The following HEATR5B variants were observed in gnomAD, a reference collection of about 807,000 sequenced individuals.
HEATR5B encodes the protein HEAT repeat-containing protein 5B.
HEATR5B carries 156 observed loss-of-function variants against 224.1 expected under a neutral mutation model. The ratio of observed to expected loss-of-function variants is 0.70; its 90% CI spans 0.61 to 0.80. The LOEUF (loss-of-function observed/expected upper bound fraction) is 0.80. Ranked by LOEUF, HEATR5B falls within the 30% of genes least tolerant of loss-of-function variation. The pLI is 0.00. For missense variants in HEATR5B, 2,323 were observed against 2,535.5 expected, an observed-to-expected ratio of 0.92 and a Z score of 1.80; for synonymous variants, 1,027 against 893.0, an observed-to-expected ratio of 1.15 and a Z score of -2.68.
At chr2:36,983,561 CAAAA>C (rs1665727440) in intron 35 of HEATR5B, among the ~76,000 whole-genome samples, 1 of 148,548 alleles carries the variant, frequency 6.7e-6, no homozygotes, top group African/African-American at 2.5e-5. Flanking sequence ...CAAAACAAAA[CAAAA>C]AAACCCAAAA....
chr2:37,003,407 G>C, intron 31 of HEATR5B, 135 bp downstream of exon 31: 1 of 591,640 alleles, frequency 1.7e-6, no homozygotes, highest in Non-Finnish European at 2.8e-6. Flanking sequence ...TTGCGCTCCA[G>C]CTTGGGTGAC....
intron 32 of HEATR5B, among the ~76,000 whole-genome samples, chr2:37,001,385 A>AGC (rs1318812845): frequency 6.6e-6 from 1 of 152,152 alleles, no homozygotes; most frequent in Non-Finnish European, 1.5e-5. Flanking sequence ...CAGCCATTGT[A>AGC]GCCTCTGCTT....
chr2:37,041,403 TA>T, intron 18 of HEATR5B, 111 bp from the exon 19 acceptor site: 1 of 983,456 alleles, frequency 1.0e-6, no homozygotes, highest in Non-Finnish European at 1.5e-6. Context: ...GAAAAGATTA[TA>T]ATCAGTTACT....
At chr2:37,011,409 G>A (rs917797739) in intron 27 of HEATR5B, among the ~76,000 whole-genome samples, 51 of 152,022 alleles carry the variant, frequency 3.4e-4, no homozygotes, top group Non-Finnish European at 4.4e-4. Flanking sequence ...GGGAAGCAAG[G>A]GTGTCACTGT....
chr2:37,072,858 C>T (rs939216270), intron 5 of HEATR5B, among the ~76,000 whole-genome samples: 2 of 151,926 alleles, frequency 1.3e-5, no homozygotes, highest in Admixed American at 6.6e-5. Context: ...ATGTGAACAA[C>T]TTTATGCCAA....
chr2:37,072,180 C>G lies in HEATR5B; in HGVS notation c.699G>C (p.Gly233=). Reference sequence around the variant, plus strand: ...AAAGTTTAGACACTGCCACTCGTACCCCATAATTTGAGTTTTCCAAAGCCT... The same window carrying G: ...AAAGTTTAGACACTGCCACTCGTACGCCATAATTTGAGTTTTCCAAAGCCT... ...CFKALENSNY[G]VRVAVSKLLG... The change falls in exon 6 of 36, where the codon GGG becomes GGC. Residue 233 remains glycine (G), a synonymous_variant. Transcript: ENST00000233099. The G allele has an allele frequency of 1.9e-6, 3 of 1,613,916 alleles. No individual in the cohort carries two copies. The highest frequency in any genetic ancestry group is 2.5e-6 in the Non-Finnish European group (3 of 1,179,868).
intron 5 of HEATR5B, among the ~76,000 whole-genome samples, chr2:37,073,535 C>T (rs537948074): frequency 4.6e-5 from 7 of 152,126 alleles, no homozygotes; most frequent in East Asian, 1.9e-4. Context: ...TGAGCAACCA[C>T]GCCCAGCCTG....
At chr2:36,982,923 G>A (rs1237526834) in intron 35 of HEATR5B, among the ~76,000 whole-genome samples, 1 of 129,246 alleles carries the variant, frequency 7.7e-6, no homozygotes, top group Non-Finnish European at 1.7e-5. Context: ...TATAGGGGAC[G>A]AGAAGTGTTT....
rs190557518 is a variant in HEATR5B at position 36,983,641 on chromosome 2, T to C, written c.5912-1847A>G. Among the ~76,000 whole-genome samples, 397 of 151,874 alleles carry C rather than the reference T, an allele frequency of 2.6e-3. 1 individual carries two copies. Among genetic ancestry groups the C allele is most frequent in the African/African-American group, 9.1e-3 (375 of 41,428 alleles). ...TACTCTGGAGGCTGAGGCAGGAGAATCGCTTGAACCTGGGAGGCAGAGGTC... is the reference window on the plus strand; with the variant it reads ...TACTCTGGAGGCTGAGGCAGGAGAACCGCTTGAACCTGGGAGGCAGAGGTC... On this transcript the variant is annotated intron_variant, in intron 35 of 35. Transcript: ENST00000233099.
intron 24 of HEATR5B, among the ~76,000 whole-genome samples, chr2:37,023,157 T>C (rs1019704220): frequency 1.3e-5 from 2 of 151,996 alleles, no homozygotes; most frequent in Non-Finnish European, 2.9e-5. Flanking sequence ...AGATATAAAG[T>C]AAAATATCTG....
Position 37,003,498 on chromosome 2 carries a change from T to G in HEATR5B, c.5050+44A>C. ...CGTTAATATTTTAAAAATTAGAGTA[T>G]AAAATAAGATTTACTTCAAGTTAGT... On this transcript the variant is annotated intron_variant, in intron 31 of 35. Coordinates refer to ENST00000233099, the MANE Select transcript of HEATR5B (RefSeq NM_019024.3). 4 of 1,369,954 alleles carry G rather than the reference T, an allele frequency of 2.9e-6. No individual in the cohort carries two copies. In the South Asian group the frequency reaches 5.1e-5, roughly 17 times the overall value. The allele number at this position is 1,369,954 out of a possible 1,614,324, so 84.9% of individuals were successfully genotyped here.
intron 33 of HEATR5B, among the ~76,000 whole-genome samples, chr2:36,998,393 A>G (rs980790643): frequency 5.3e-5 from 8 of 152,244 alleles, no homozygotes; most frequent in African/African-American, 9.6e-5. Flanking sequence ...AAGTCTAACA[A>G]TATCAAATAC....
rs1272653752 is a variant in HEATR5B, at chr2:37,001,673, C to T, written c.5317+633G>A. ...TTCTTCAGAGTTTTTCTTTTTCTTT[C>T]TTTTTTTTTTTTGAGAGTCTTGCTC... is the stretch of plus-strand genomic sequence containing the variant. On this transcript the variant is annotated intron_variant, in intron 32 of 35. Transcript: ENST00000233099. 1.9e-3 allele frequency among the ~76,000 whole-genome samples: 280 copies of T among 144,034 alleles called. 1 individual carries two copies. The highest frequency in any genetic ancestry group is 7.2e-3 in the Middle Eastern group (2 of 278). The allele number at this position is 144,034 out of a possible 152,430, so 94.5% of individuals were successfully genotyped here.
chr2:37,051,299 T>C (rs766375315), intron 17 of HEATR5B, among the ~76,000 whole-genome samples: 14 of 131,034 alleles, frequency 1.1e-4, no homozygotes, highest in African/African-American at 1.8e-4. Context: ...GAAGTTGCAG[T>C]GAGCTGAGAT....
intron 33 of HEATR5B, among the ~76,000 whole-genome samples, chr2:37,000,161 TC>T (rs1666997107): frequency 6.6e-6 from 1 of 151,808 alleles, no homozygotes; most frequent in South Asian, 2.1e-4. Context: ...CACCGCAACC[TC>T]CACCTCCCGG....
intron 18 of HEATR5B, among the ~76,000 whole-genome samples, chr2:37,045,470 C>T (rs1670131129): frequency 6.6e-6 from 1 of 152,138 alleles, no homozygotes; most frequent in South Asian, 2.1e-4. Context: ...GAAGCAATAT[C>T]GTTCCGAGGG....
intron 3 of HEATR5B, among the ~76,000 whole-genome samples, 200 bp from the exon 4 acceptor site, chr2:37,077,219 A>T (rs1330365170): frequency 6.6e-6 from 1 of 152,224 alleles, no homozygotes; most frequent in African/African-American, 2.4e-5. Flanking sequence ...TAAATACTAT[A>T]GTTAAATTGT....
intron 35 of HEATR5B, among the ~76,000 whole-genome samples, chr2:36,985,152 TG>T (rs1403166541): frequency 6.6e-6 from 1 of 152,220 alleles, no homozygotes; most frequent in African/African-American, 2.4e-5. Context: ...TTTACCCTCT[TG>T]GAATCATGTA....
intron 2 of HEATR5B, among the ~76,000 whole-genome samples, chr2:37,082,811 T>C (rs932525645): frequency 2.0e-5 from 3 of 152,232 alleles, no homozygotes; most frequent in Non-Finnish European, 4.4e-5. Context: ...TTTCCCACTT[T>C]ACACCTCTAT....
Sources: gnomAD v4.1 joint callset for allele counts (sites outside exome capture counted in the v4.1 genomes callset) on GRCh38, gnomAD v4.1.1 for gene constraint, MANE v1.5 for transcripts, NCBI Gene and HGNC (gene_info 2026-07-23, HGNC 2026-07-21) for gene names.